The following ADAM12 variants were observed in gnomAD, a reference collection of about 807,000 sequenced individuals.
ADAM12 encodes disintegrin and metalloproteinase domain-containing protein 12.
In ADAM12, 70 loss-of-function variants were observed where a neutral mutation model predicts 106.4. That is an observed-to-expected ratio of 0.66 (90% CI 0.54 to 0.80). The LOEUF (loss-of-function observed/expected upper bound fraction) is 0.80. Among genes scored for constraint, ADAM12 ranks in the 30% least tolerant of loss-of-function variants. ADAM12 has a pLI of 0.00. For missense variants in ADAM12, 1,010 were observed against 1,171.9 expected, an observed-to-expected ratio of 0.86 and a Z score of 2.02; for synonymous variants, 420 against 433.5, an observed-to-expected ratio of 0.97 and a Z score of 0.39.
rs373991151 is a variant in ADAM12, at chr10:126,043,055, G to A, written c.2089C>T (p.Pro697Ser). 2 of 1,614,036 alleles carry A rather than the reference G, an allele frequency of 1.2e-6. No individual in the cohort carries two copies. Among genetic ancestry groups the A allele is most frequent in the African/African-American group, 1.3e-5 (1 of 74,936 alleles). ...CTTCACTGACCTGCTTGCCGGATGG[G>A]GCCGCTGTCTGTGCTTCCTCCAAAG... Reference protein sequence around the residue: ...FGFGGSTDSGPIRQADNQGLT... With the variant: ...FGFGGSTDSGSIRQADNQGLT... The change falls in exon 18 of 23, where the codon CCC (proline) becomes TCC (serine). Residue 697 changes from proline (P) to serine (S), a missense_variant. Pro to Ser is a moderately conservative substitution (Grantham distance 74, BLOSUM62 -1). Around this residue, in one of 3 missense-constraint regions of ADAM12, gnomAD observed 615 missense variants for 708.5 expected, o/e 0.87. Transcript: ENST00000448723. This position sits in a 1 kb window ranked among gnomAD's most constrained non-coding sequence, Gnocchi z 4.1.
intron 3 of ADAM12, among the ~76,000 whole-genome samples, chr10:126,180,949 T>C (rs1267823749): frequency 2.0e-5 from 3 of 152,236 alleles, no homozygotes; most frequent in Non-Finnish European, 4.4e-5. Context: ...AGTTCAGATA[T>C]TGCTTTTAGC....
intron 3 of ADAM12, among the ~76,000 whole-genome samples, chr10:126,237,423 C>T (rs1218248226): frequency 1.3e-5 from 2 of 152,176 alleles, no homozygotes; most frequent in Non-Finnish European, 2.9e-5. Context: ...TAACTTGGGG[C>T]CGACCTCATT....
chr10:126,098,944 C>T (rs1485546930), intron 9 of ADAM12, among the ~76,000 whole-genome samples: 1 of 152,188 alleles, frequency 6.6e-6, no homozygotes, highest in Non-Finnish European at 1.5e-5. Context: ...TGCCAGACAC[C>T]CAAATTCTTT....
At chr10:126,318,564 TCA>T (rs762904624) in intron 2 of ADAM12, among the ~76,000 whole-genome samples, 2 of 151,178 alleles carry the variant, frequency 1.3e-5, no homozygotes, top group African/African-American at 4.9e-5. Context: ...ACATTCACAC[TCA>T]CACACTCACA....
intron 3 of ADAM12, chr10:126,272,760 G>T: frequency 4.6e-6 from 1 of 218,784 alleles, no homozygotes; most frequent in Non-Finnish European, 9.9e-6. Flanking sequence ...CTCTGAGGGA[G>T]GGTCCAGGCC....
In ADAM12 at chr10:126,053,163, C is replaced by T. The variant is rs1051017637; in HGVS notation, c.1610-3494G>A. On this transcript the variant is annotated intron_variant, in intron 14 of 22. Transcript: ENST00000448723. The surrounding 1 kb of genome is among the most constrained non-coding windows in gnomAD (Gnocchi z 4.6). ...CCGCGTGATGTGCCTGCTTCTCCTT[C>T]ACCTTCTGCCATGATTGGAAGCTTT... is the stretch of plus-strand genomic sequence containing the variant. Among the ~76,000 whole-genome samples the T allele has an allele frequency of 1.3e-5, 2 of 152,188 alleles. No homozygotes were observed. The highest frequency in any genetic ancestry group is 2.9e-5 in the Non-Finnish European group (2 of 68,036).
At chr10:126,164,487 G>C (rs1032072517) in intron 3 of ADAM12, among the ~76,000 whole-genome samples, 3 of 152,158 alleles carry the variant, frequency 2.0e-5, no homozygotes, top group Admixed American at 6.5e-5. Context: ...TTGGGTAATG[G>C]ATTTCTTTTA....
intron 3 of ADAM12, among the ~76,000 whole-genome samples, chr10:126,210,961 C>A (rs1417309324): frequency 6.6e-6 from 1 of 152,092 alleles, no homozygotes; most frequent in Non-Finnish European, 1.5e-5. Flanking sequence ...GAGTAATTGC[C>A]TTTTTCCTAT....
chr10:126,218,849 G>A (rs971194641), intron 3 of ADAM12, among the ~76,000 whole-genome samples: 2 of 152,152 alleles, frequency 1.3e-5, no homozygotes, highest in African/African-American at 2.4e-5. Context: ...AGAGATGTCC[G>A]GGGTTATGAT....
chr10:126,132,533 C>CG (rs939047054), intron 5 of ADAM12, among the ~76,000 whole-genome samples: 1 of 142,276 alleles, frequency 7.0e-6, no homozygotes, highest in Non-Finnish European at 1.5e-5. Context: ...CACCCCCCCC[C>CG]CCTCAACTAG....
chr10:126,087,064 G>A (rs754596158), intron 11 of ADAM12, among the ~76,000 whole-genome samples: 1 of 151,784 alleles, frequency 6.6e-6, no homozygotes, highest in African/African-American at 2.4e-5. Flanking sequence ...AAAGTTCATC[G>A]ATGAAACAGG....
intron 3 of ADAM12, among the ~76,000 whole-genome samples, chr10:126,163,466 G>A (rs1369924226): frequency 6.6e-6 from 1 of 152,228 alleles, no homozygotes; most frequent in African/African-American, 2.4e-5. Context: ...TGTAGGTAAA[G>A]TTCTTCCTGA....
rs372825649 is a variant in ADAM12 at position 126,036,213 on chromosome 10, C to T, written c.2462G>A (p.Arg821Gln). The T allele has an allele frequency of 3.3e-5, 51 of 1,549,704 alleles. No individual in the cohort carries two copies. Among genetic ancestry groups the T allele is most frequent in the Middle Eastern group, 2.0e-4 (1 of 4,968 alleles). ...AGGGACGCTAGGTGCACGTGGAGCC[C>T]GGTGGAGGGGAGGAAGCACTCGCTG... is the stretch of plus-strand genomic sequence containing the variant. Reference protein sequence around the residue: ...STQRVLPPLHRAPRAPSVPAR... With the variant: ...STQRVLPPLHQAPRAPSVPAR... The change falls in exon 21 of 23, where the codon CGG becomes CAG. Residue 821 changes from arginine (R) to glutamine (Q), a missense_variant. This residue lies in a region of ADAM12 where 615 missense variants were observed against 708.5 expected (regional missense o/e 0.87). Transcript: ENST00000448723.
At chr10:126,356,411 G>C (rs1855541076) in intron 1 of ADAM12, among the ~76,000 whole-genome samples, 1 of 152,160 alleles carries the variant, frequency 6.6e-6, no homozygotes, top group Non-Finnish European at 1.5e-5. Flanking sequence ...CAGCCATCTA[G>C]AGAATGGAAA....
chr10:126,048,197 C>T (rs1404793541), intron 16 of ADAM12, among the ~76,000 whole-genome samples: 1 of 152,074 alleles, frequency 6.6e-6, no homozygotes, highest in Non-Finnish European at 1.5e-5. Flanking sequence ...GGGTACTAGG[C>T]TTAGTATCTG....
chr10:126,034,734 G>A (rs138851250), intron 21 of ADAM12, among the ~76,000 whole-genome samples: 1 of 152,056 alleles, frequency 6.6e-6, no homozygotes, highest in African/African-American at 2.4e-5. Flanking sequence ...TTTTTATCCT[G>A]TTTTTAGAAG....
intron 3 of ADAM12, chr10:126,273,493 G>C (rs1175913028): frequency 1.3e-5 from 2 of 152,100 alleles, no homozygotes; most frequent in African/African-American, 4.8e-5. Flanking sequence ...AACAGTCTAG[G>C]CTTCTTCTGC....
intron 3 of ADAM12, among the ~76,000 whole-genome samples, chr10:126,243,273 CTT>C (rs1958563154): frequency 6.6e-6 from 1 of 152,214 alleles, no homozygotes; most frequent in Non-Finnish European, 1.5e-5. Context: ...ATGTCTGACT[CTT>C]GGGTGTTTAG....
chr10:126,143,353 G>GTA (rs1393161151), intron 4 of ADAM12, among the ~76,000 whole-genome samples: 1 of 148,952 alleles, frequency 6.7e-6, no homozygotes, highest in African/African-American at 2.5e-5. Flanking sequence ...GTGCATGTGT[G>GTA]TATATATACA....
Sources: allele counts gnomAD v4.1 joint callset (sites outside exome capture counted in the v4.1 genomes callset), GRCh38; gene constraint gnomAD v4.1.1; regional missense constraint gnomAD v4.1.1; non-coding constraint Gnocchi (gnomAD v3.1); transcripts MANE v1.5; gene names NCBI Gene and HGNC (gene_info 2026-07-23, HGNC 2026-07-21).